NID2: variants seen among roughly 807,000 people sequenced by gnomAD.
NID2 encodes nidogen 2, also known as nidogen-2.
Under a neutral mutation model 145.4 loss-of-function variants are expected in NID2, and 83 were observed. That is an observed-to-expected ratio of 0.57 (90% CI 0.48 to 0.69). NID2 has a LOEUF of 0.69. Ranked by LOEUF, NID2 falls within the 30% of genes least tolerant of loss-of-function variation. The probability of loss-of-function intolerance (pLI) is 0.00; values close to 1 mark genes in which losing one functional copy is unlikely to be tolerated. For synonymous variants in NID2, 739 were observed against 701.3 expected, an observed-to-expected ratio of 1.05 and a Z score of -0.85; for missense variants, 1,807 against 1,765.7, an observed-to-expected ratio of 1.02 and a Z score of -0.42.
chr14:52,011,780 A>G lies in NID2; in HGVS notation c.3421-97T>C. On this transcript the variant is annotated intron_variant, in intron 16 of 21. Transcript: ENST00000216286. ...CTCATGCACAGCTGCAGTGAGCAAC[A>G]CTGCACTGTGATCCTGCAGGCAACA... is the stretch of plus-strand genomic sequence containing the variant. The G allele has an allele frequency of 2.1e-6, 3 of 1,407,406 alleles. 1 individual carries two copies. In the South Asian group the frequency reaches 3.7e-5, roughly 17 times the overall value. The allele number at this position is 1,407,406 out of a possible 1,614,324, so 87.2% of individuals were successfully genotyped here.
chr14:52,007,875 T>A lies in NID2; in HGVS notation c.3815A>T (p.Asp1272Val). The A allele has an allele frequency of 6.2e-7, 1 of 1,613,336 alleles. No individual in the cohort carries two copies. The highest frequency in any genetic ancestry group is 8.5e-7 in the Non-Finnish European group (1 of 1,179,332). Residue 1272 changes from aspartate (D) to valine (V), a missense_variant, in exon 19 of 22, where the codon GAC (aspartate) becomes GTC (valine). Coordinates refer to ENST00000216286, the MANE Select transcript of NID2 (RefSeq NM_007361.4). ...GENRRILINT[D>V]IGLPNGLTFD... is the part of the protein sequence containing the mutation. ...GGTTAAGCCATTGGGCAATCCAATG[T>A]CTGTATTGATCAGAATTCTTCTGTT... is the stretch of plus-strand genomic sequence containing the variant.
intron 7 of NID2, among the ~76,000 whole-genome samples, chr14:52,041,892 G>A (rs540768766): frequency 6.6e-6 from 1 of 152,358 alleles, no homozygotes; most frequent in Admixed American, 6.5e-5. Context: ...ACAGCTGGGA[G>A]AACATTTAGA....
intron 3 of NID2, among the ~76,000 whole-genome samples, chr14:52,054,625 T>C (rs1296557257): frequency 6.6e-6 from 1 of 152,186 alleles, no homozygotes; most frequent in Admixed American, 6.5e-5. Flanking sequence ...GGAGGGTCAC[T>C]TGAGCCCAGC....
intron 12 of NID2, among the ~76,000 whole-genome samples, chr14:52,020,519 C>T (rs190786349): frequency 9.2e-5 from 14 of 152,334 alleles, no homozygotes; most frequent in Admixed American, 7.2e-4. Context: ...AACCTTTAGA[C>T]TATAAGTCAT....
At chr14:52,040,008 T>C (rs1432762740) in intron 8 of NID2, among the ~76,000 whole-genome samples, 1 of 152,220 alleles carries the variant, frequency 6.6e-6, no homozygotes, top group Non-Finnish European at 1.5e-5. Flanking sequence ...TGGCACAATC[T>C]CGGCTCACTG....
intron 12 of NID2, among the ~76,000 whole-genome samples, chr14:52,021,159 A>C (rs149374116): frequency 6.6e-6 from 1 of 151,624 alleles, no homozygotes; most frequent in East Asian, 2.0e-4. Context: ...GCTTGGCTGA[A>C]AATAAAACAA....
chr14:52,030,577 GGAAAGAAAGAAA>G (rs59292241), intron 9 of NID2, among the ~76,000 whole-genome samples: 43,363 of 92,034 alleles, frequency 0.47, 11,475 homozygotes, highest in South Asian at 0.62. Flanking sequence ...AGGAAGGAAG[GGAAAGAAAGAAA>G]GAAAGAAAGA....
rs201207693 is a variant in NID2, at chr14:52,005,761, C to T, written c.4093G>A (p.Ala1365Thr). 112 of 1,613,584 alleles carry T rather than the reference C, an allele frequency of 6.9e-5. No individual in the cohort carries two copies. The highest frequency in any genetic ancestry group is 9.1e-5 in the Non-Finnish European group (107 of 1,179,648). The change falls in exon 21 of 22, where the codon GCA (alanine) becomes ACA (threonine). Residue 1365 changes from alanine to threonine, a missense_variant. By Grantham distance (58) the Ala-to-Thr change is moderately conservative. Transcript: ENST00000216286. ...EQRSHLYGIT[A>T]VYPYCPTGRK ...CCTGTTGGGCAGTAGGGGTAGACTGCAGTTATCCCGTAGAGGTGAGATCGT... is the reference window on the plus strand; with the variant it reads ...CCTGTTGGGCAGTAGGGGTAGACTGTAGTTATCCCGTAGAGGTGAGATCGT...
intron 18 of NID2, chr14:52,008,845 G>A (rs530860524): frequency 6.6e-6 from 1 of 152,280 alleles, no homozygotes; most frequent in South Asian, 2.1e-4. Context: ...ACTTGAAGGG[G>A]TACCTGGCAC....
chr14:52,020,214 A>C (rs1201721942), intron 12 of NID2, 36 bp from the exon 13 acceptor site: 1 of 1,611,016 alleles, frequency 6.2e-7, no homozygotes, highest in Non-Finnish European at 8.5e-7. Context: ...GAAGCAAAGA[A>C]CACTATGACT....
rs1404637052 is a variant in NID2 at position 52,015,194 on chromosome 14, T to TAC, written c.3109_3110insGT (p.Asp1037GlyfsTer66). 6.2e-7 allele frequency: 1 copy of TAC among 1,613,874 alleles called. No individual in the cohort carries two copies. The highest frequency in any genetic ancestry group is 1.3e-5 in the African/African-American group (1 of 74,878). ...GTCATCGCACTGGGGCACGTACTGG[T>TAC]CATCCCGGGGGGTGCCACCGTAGTG... On this transcript the variant is annotated frameshift_variant, in exon 15 of 22. Coordinates refer to ENST00000216286, the MANE Select transcript of NID2 (RefSeq NM_007361.4). LOFTEE classifies it high-confidence loss of function.
rs774436210 is a variant in NID2, at chr14:52,040,608, G to C, written c.2026+43C>G. On this transcript the variant is annotated intron_variant, in intron 8 of 21. Coordinates refer to ENST00000216286, the MANE Select transcript of NID2 (RefSeq NM_007361.4). ...GCCTTGTATCTATCTTGTGAGATGG[G>C]CATAATCCCCATTTTACAGATGTGA... is the stretch of plus-strand genomic sequence containing the variant. 3.3e-6 allele frequency: 5 copies of C among 1,533,696 alleles called. No individual in the cohort carries two copies. The South Asian group carries it at 5.6e-5, about 17-fold the overall frequency.
intron 3 of NID2, among the ~76,000 whole-genome samples, chr14:52,056,243 G>T (rs1432089913): frequency 6.6e-6 from 1 of 151,896 alleles, no homozygotes; most frequent in Non-Finnish European, 1.5e-5. Flanking sequence ...TCAAACAGTG[G>T]AAAAATACAG....
intron 17 of NID2, 124 bp from the exon 18 acceptor site, chr14:52,011,171 T>G (rs1891004169): frequency 6.0e-6 from 5 of 833,788 alleles, no homozygotes; most frequent in Admixed American, 2.5e-5. Flanking sequence ...TGTCTCCAAG[T>G]CCCCAAGAAC....
At chr14:52,008,038 C>A in intron 18 of NID2, 71 bp from the exon 19 acceptor site, 1 of 1,214,776 alleles carries the variant, frequency 8.2e-7, no homozygotes, top group Non-Finnish European at 1.2e-6. Context: ...TAAGCAGCCC[C>A]CAGTGATCTC....
intron 9 of NID2, among the ~76,000 whole-genome samples, chr14:52,032,345 T>C (rs1339185757): frequency 6.6e-6 from 1 of 152,222 alleles, no homozygotes; most frequent in African/African-American, 2.4e-5. Context: ...TCCAGCACTT[T>C]TTAAACCTGA....
rs1224309750 is a variant in NID2, at chr14:52,027,326, T to G, written c.2549A>C (p.Asn850Thr). The change falls in exon 12 of 22, where the codon AAC (asparagine) becomes ACC (threonine). Residue 850 changes from asparagine to threonine, a missense_variant. Asn to Thr is a moderately conservative substitution (Grantham distance 65). Transcript: ENST00000216286. Reference sequence around the variant, plus strand: ...GGTATGACTGCCATCCTCACAGGGGTTGGCAGGTGGGGTGATCACTGAAAA... The same window carrying G: ...GGTATGACTGCCATCCTCACAGGGGGTGGCAGGTGGGGTGATCACTGAAAA... Reference protein sequence around the residue: ...HTCILITPPANPCEDGSHTCA... With the variant: ...HTCILITPPATPCEDGSHTCA... 2.5e-6 allele frequency: 4 copies of G among 1,576,132 alleles called. No homozygotes were observed. The highest frequency in any genetic ancestry group is 3.4e-6 in the Non-Finnish European group (4 of 1,163,212).
At chr14:52,055,180 A>G (rs2140424227) in intron 3 of NID2, among the ~76,000 whole-genome samples, 1 of 152,352 alleles carries the variant, frequency 6.6e-6, no homozygotes, top group South Asian at 2.1e-4. Flanking sequence ...TTAAAAGGCT[A>G]ACTGATCTTC....
intron 5 of NID2, among the ~76,000 whole-genome samples, chr14:52,050,399 C>T (rs1437494472): frequency 1.3e-5 from 2 of 152,194 alleles, no homozygotes; most frequent in Admixed American, 1.3e-4. Context: ...ACTTTGACCC[C>T]AGGCCTGGCT....
Sources: allele counts gnomAD v4.1 joint callset (sites outside exome capture counted in the v4.1 genomes callset), GRCh38; gene constraint gnomAD v4.1.1; transcripts MANE v1.5; gene names NCBI Gene and HGNC (gene_info 2026-07-23, HGNC 2026-07-21).